Variants in RAP1GDS1 observed in about 807,000 individuals in gnomAD.
The protein encoded by RAP1GDS1 is Rap1 GTPase-GDP dissociation stimulator 1, also known as RAP1, GTP-GDP dissociation stimulator 1.
A neutral mutation model predicts 71.1 loss-of-function variants in RAP1GDS1; 35 were observed. The observed-to-expected ratio is 0.49, with a 90% CI of 0.38 to 0.65. The LOEUF (loss-of-function observed/expected upper bound fraction) is 0.65. RAP1GDS1 is among the 30% of genes least tolerant of loss of function. The pLI, the probability that RAP1GDS1 is intolerant of heterozygous loss-of-function variation, is 0.00. For synonymous variants in RAP1GDS1, 229 were observed against 243.1 expected, an observed-to-expected ratio of 0.94 and a Z score of 0.54; for missense variants, 663 against 706.1, an observed-to-expected ratio of 0.94 and a Z score of 0.69.
intron 4 of RAP1GDS1, among the ~76,000 whole-genome samples, chr4:98,365,771 C>A (rs1441335029): frequency 6.6e-6 from 1 of 152,062 alleles, no homozygotes; most frequent in African/African-American, 2.4e-5. Context: ...TGTTAATATA[C>A]CCTTTTAAAT....
intron 2 of RAP1GDS1, among the ~76,000 whole-genome samples, chr4:98,295,169 A>G (rs1727551017): frequency 6.6e-6 from 1 of 152,118 alleles, no homozygotes; most frequent in African/African-American, 2.4e-5. Flanking sequence ...GAAGTTCATA[A>G]TTATTAGATT....
chr4:98,401,877 A>C (rs1476963094), intron 6 of RAP1GDS1, among the ~76,000 whole-genome samples: 1 of 152,178 alleles, frequency 6.6e-6, no homozygotes, highest in Non-Finnish European at 1.5e-5. Context: ...GAGGAAAAGA[A>C]TGTGGATTGG....
chr4:98,283,724 A>C (rs1025698161), intron 1 of RAP1GDS1, among the ~76,000 whole-genome samples: 12 of 152,022 alleles, frequency 7.9e-5, no homozygotes, highest in African/African-American at 2.9e-4. Context: ...TTATTTATTC[A>C]GTTAAACACT....
At chr4:98,345,439 C>T (rs374781701) in intron 3 of RAP1GDS1, among the ~76,000 whole-genome samples, 3 of 152,222 alleles carry the variant, frequency 2.0e-5, no homozygotes, top group South Asian at 2.1e-4. Flanking sequence ...TAAGAAGTTC[C>T]GTGGGCGAGT....
chr4:98,315,510 T>TA (rs145885165), intron 2 of RAP1GDS1, among the ~76,000 whole-genome samples: 5,349 of 152,086 alleles, frequency 0.035, 314 homozygotes, highest in African/African-American at 0.12. Flanking sequence ...TTTAACCAGC[T>TA]AAAATGTGGG....
At chr4:98,393,118 G>A (rs1046351199) in intron 6 of RAP1GDS1, among the ~76,000 whole-genome samples, 4 of 152,086 alleles carry the variant, frequency 2.6e-5, no homozygotes, top group Admixed American at 6.6e-5. Flanking sequence ...GCTAAATACC[G>A]TAGTTACAAC....
intron 8 of RAP1GDS1, 75 bp from the exon 9 acceptor site, chr4:98,417,292 A>G: frequency 6.9e-7 from 1 of 1,443,304 alleles, no homozygotes; most frequent in South Asian, 1.3e-5. Flanking sequence ...CCAGTTGGAT[A>G]TTCACCTAAG....
chr4:98,307,174 A>G (rs1023667675), intron 2 of RAP1GDS1, among the ~76,000 whole-genome samples: 14 of 151,682 alleles, frequency 9.2e-5, no homozygotes, highest in Non-Finnish European at 1.5e-4. Context: ...GTGTTGTTTA[A>G]TCTGTTCCTT....
chr4:98,293,387 T>A (rs770878233), intron 1 of RAP1GDS1, 21 bp from the exon 2 acceptor site: 13 of 821,856 alleles, frequency 1.6e-5, no homozygotes, highest in Non-Finnish European at 2.0e-5. Context: ...GAGTTTCTGA[T>A]TTTTTTTTTT....
At chr4:98,429,603 T>A (rs1339909079) in intron 12 of RAP1GDS1, among the ~76,000 whole-genome samples, 4 of 152,180 alleles carry the variant, frequency 2.6e-5, no homozygotes, top group Non-Finnish European at 5.9e-5. Flanking sequence ...CTAAAGAACT[T>A]ACTTATGTAA....
chr4:98,289,456 T>G (rs2110271691), intron 1 of RAP1GDS1, among the ~76,000 whole-genome samples: 1 of 148,582 alleles, frequency 6.7e-6, no homozygotes, highest in Non-Finnish European at 1.5e-5. Flanking sequence ...AATAATGTGG[T>G]GGGACTGACA....
chr4:98,387,416 A>G (rs926519015), intron 5 of RAP1GDS1: 1 of 455,816 alleles, frequency 2.2e-6, no homozygotes, highest in Non-Finnish European at 4.4e-6. Context: ...AGGTTCCTCA[A>G]CTTGAGATCT....
At chr4:98,328,833 C>T (rs1733526593) in intron 2 of RAP1GDS1, among the ~76,000 whole-genome samples, 1 of 152,164 alleles carries the variant, frequency 6.6e-6, no homozygotes, top group Non-Finnish European at 1.5e-5. Context: ...CAGAGTAAGA[C>T]AAACTTGTTT....
intron 2 of RAP1GDS1, among the ~76,000 whole-genome samples, chr4:98,338,828 A>G (rs534027385): frequency 3.0e-4 from 45 of 152,282 alleles, no homozygotes; most frequent in African/African-American, 1.1e-3. Flanking sequence ...GTTTATCCTC[A>G]TGAAACCTAT....
chr4:98,436,903 G>T, intron 13 of RAP1GDS1, 37 bp from the exon 14 acceptor site: 1 of 1,545,114 alleles, frequency 6.5e-7, no homozygotes, highest in Non-Finnish European at 8.7e-7. Context: ...AGGATACTGG[G>T]TTCGTACGCA....
chr4:98,289,765 A>G (rs1024674268), intron 1 of RAP1GDS1, among the ~76,000 whole-genome samples: 2 of 152,064 alleles, frequency 1.3e-5, no homozygotes, highest in African/African-American at 4.8e-5. Context: ...TATTCAAGAG[A>G]GATTGCTATT....
At chr4:98,434,491 G>A (rs761870378) in intron 13 of RAP1GDS1, among the ~76,000 whole-genome samples, 5 of 151,642 alleles carry the variant, frequency 3.3e-5, no homozygotes, top group African/African-American at 4.9e-5. Flanking sequence ...CTCCATCACC[G>A]TGACTTCTAT....
Position 98,364,298 on chromosome 4 carries a change from T to G in RAP1GDS1, c.361+11697T>G, listed in dbSNP as rs59911323. Among the ~76,000 whole-genome samples the G allele has an allele frequency of 3.8e-3, 579 of 152,222 alleles. 6 individuals carry two copies. The highest frequency in any genetic ancestry group is 0.013 in the African/African-American group (554 of 41,538). On this transcript the variant is annotated intron_variant, in intron 4 of 14. Transcript: ENST00000408927. The stretch of plus-strand genomic sequence containing the variant: ...TAAAACTACCTTGAAATCATAGTTT[T>G]TTACGTAGGAGGGAATTTAAAAGTC...
At chr4:98,428,871 C>T (rs910974859) in intron 12 of RAP1GDS1, among the ~76,000 whole-genome samples, 3 of 152,100 alleles carry the variant, frequency 2.0e-5, no homozygotes, top group African/African-American at 7.2e-5. Context: ...AGTCATTATA[C>T]AAAAAATATA....
Sources: gnomAD v4.1 joint callset for allele counts (sites outside exome capture counted in the v4.1 genomes callset) on GRCh38, gnomAD v4.1.1 for gene constraint, MANE v1.5 for transcripts, NCBI Gene and HGNC (gene_info 2026-07-23, HGNC 2026-07-21) for gene names.